TMTC1: variants seen among roughly 807,000 people sequenced by gnomAD.
The protein encoded by TMTC1 is transmembrane O-mannosyltransferase targeting cadherins 1.
In TMTC1, 73 loss-of-function variants were observed where a neutral mutation model predicts 104.8. The observed-to-expected ratio is 0.70, with a 90% CI of 0.58 to 0.85. TMTC1 has a LOEUF of 0.85. Among genes scored for constraint, TMTC1 ranks in the 40% least tolerant of loss-of-function variants. The pLI is 0.00. For missense variants in TMTC1, 1,035 were observed against 1,096.1 expected (o/e 0.94, Z 0.79); for synonymous variants, 434 against 428.7 (o/e 1.01, Z -0.15).
At chr12:29,708,979 C>G (rs1006989258) in intron 5 of TMTC1, among the ~76,000 whole-genome samples, 1 of 152,052 alleles carries the variant, frequency 6.6e-6, no homozygotes, top group Non-Finnish European at 1.5e-5. Flanking sequence ...AAGAGAATAT[C>G]CTTTCAGACT....
intron 10 of TMTC1, among the ~76,000 whole-genome samples, chr12:29,547,408 G>A (rs1023465115): frequency 1.3e-5 from 2 of 152,126 alleles, no homozygotes; most frequent in African/African-American, 4.8e-5. Flanking sequence ...GTTGCAGTAG[G>A]GGAGAGGGAC....
rs112597342 is a variant in TMTC1, at chr12:29,646,263, G to A, written c.939-12927C>T. Among the ~76,000 whole-genome samples the A allele has an allele frequency of 6.6e-3, 1,012 of 152,218 alleles. 13 individuals are homozygous for A. Among genetic ancestry groups the A allele is most frequent in the African/African-American group, 0.024 (978 of 41,522 alleles). Reference sequence around the variant, plus strand: ...AAATCCATATATAATCTCCTCTAACGACACATCAAACTGATTGCACTGCTG... The same window carrying A: ...AAATCCATATATAATCTCCTCTAACAACACATCAAACTGATTGCACTGCTG... On this transcript the variant is annotated intron_variant, in intron 5 of 17. Coordinates refer to ENST00000539277, the MANE Select transcript of TMTC1 (RefSeq NM_001193451.2).
intron 5 of TMTC1, among the ~76,000 whole-genome samples, chr12:29,661,577 TTTTTA>T (rs879683186): frequency 0.42 from 63,035 of 149,122 alleles, 13,986 homozygotes; most frequent in African/African-American, 0.53. Context: ...ACTTTTTGTA[TTTTTA>T]GTATTTTTGT....
At chr12:29,583,077 G>T (rs889835112) in intron 8 of TMTC1, among the ~76,000 whole-genome samples, 1 of 152,146 alleles carries the variant, frequency 6.6e-6, no homozygotes, top group Non-Finnish European at 1.5e-5. Flanking sequence ...CTTTTCACAT[G>T]CACTTCTTGG....
intron 5 of TMTC1, among the ~76,000 whole-genome samples, chr12:29,748,708 A>G (rs557294297): frequency 6.6e-6 from 1 of 152,318 alleles, no homozygotes; most frequent in South Asian, 2.1e-4. Flanking sequence ...TGGATAATAG[A>G]AAGTTTTCTT....
chr12:29,600,735 G>A (rs2136389953), intron 7 of TMTC1, among the ~76,000 whole-genome samples: 1 of 152,290 alleles, frequency 6.6e-6, no homozygotes, highest in Admixed American at 6.5e-5. Context: ...TAAGGGTCAG[G>A]AAAGCACCTC....
At chr12:29,673,097 T>C (rs1271246745) in intron 5 of TMTC1, among the ~76,000 whole-genome samples, 1 of 152,226 alleles carries the variant, frequency 6.6e-6, no homozygotes, top group Non-Finnish European at 1.5e-5. Flanking sequence ...ATAAAAATCT[T>C]ACTTTGAGAA....
At chr12:29,599,696 G>T (rs1468249591) in intron 7 of TMTC1, among the ~76,000 whole-genome samples, 1 of 152,156 alleles carries the variant, frequency 6.6e-6, no homozygotes, top group Non-Finnish European at 1.5e-5. Flanking sequence ...AGCAACTAAA[G>T]CTAGGATTTG....
intron 9 of TMTC1, among the ~76,000 whole-genome samples, chr12:29,569,320 G>GT (rs1945603293): frequency 1.3e-5 from 2 of 152,148 alleles, no homozygotes. Flanking sequence ...AAAGAGACTG[G>GT]TATAGGTACA....
At chr12:29,722,299 CT>C (rs1357451816) in intron 5 of TMTC1, among the ~76,000 whole-genome samples, 1 of 152,234 alleles carries the variant, frequency 6.6e-6, no homozygotes, top group East Asian at 1.9e-4. Context: ...CGGTGGTGAT[CT>C]GTTGAGTTTT....
intron 9 of TMTC1, among the ~76,000 whole-genome samples, chr12:29,570,879 A>ACCCCCCC (rs1491187527): frequency 8.3e-6 from 1 of 120,400 alleles, no homozygotes; most frequent in Non-Finnish European, 1.7e-5. Context: ...AAAAACAGAA[A>ACCCCCCC]CACCCCCCCC....
chr12:29,605,454 T>A (rs4931205), intron 6 of TMTC1, among the ~76,000 whole-genome samples: 1 of 151,034 alleles, frequency 6.6e-6, no homozygotes, highest in Non-Finnish European at 1.5e-5. Context: ...AAATAATTAA[T>A]GGATCTATAA....
chr12:29,500,819 A>G (rs1943570225), downstream of TMTC1: 1 of 152,662 alleles, frequency 6.6e-6, no homozygotes, highest in Non-Finnish European at 1.5e-5. Context: ...GAAGTACTTG[A>G]GAGATTGAAA....
At chr12:29,583,940 C>T (rs2162032) in intron 7 of TMTC1, among the ~76,000 whole-genome samples, 2 of 152,120 alleles carry the variant, frequency 1.3e-5, no homozygotes, top group African/African-American at 4.8e-5. Context: ...CATTGTATGA[C>T]TCTATTGGCA....
intron 5 of TMTC1, among the ~76,000 whole-genome samples, chr12:29,681,099 C>CAAAAAAA (rs71045827): frequency 1.9e-5 from 2 of 107,224 alleles, no homozygotes; most frequent in Non-Finnish European, 3.7e-5. Flanking sequence ...ACCCTGTCTC[C>CAAAAAAA]AAAAAAAAAA....
At chr12:29,566,115 G>T (rs1370720549) in intron 9 of TMTC1, among the ~76,000 whole-genome samples, 1 of 152,110 alleles carries the variant, frequency 6.6e-6, no homozygotes. Flanking sequence ...GGTCTTCAGT[G>T]GGGTGGCCCA....
intron 5 of TMTC1, among the ~76,000 whole-genome samples, chr12:29,636,735 T>C (rs1034374909): frequency 4.5e-4 from 68 of 151,918 alleles, no homozygotes; most frequent in African/African-American, 1.5e-3. Flanking sequence ...GGGGAATCTC[T>C]TGAACCTGGG....
intron 9 of TMTC1, among the ~76,000 whole-genome samples, chr12:29,557,889 C>T (rs769583959): frequency 3.7e-4 from 56 of 152,294 alleles, no homozygotes; most frequent in Non-Finnish European, 5.6e-4. Flanking sequence ...CATTTCCCCC[C>T]TCCTACTGCA....
intron 5 of TMTC1, among the ~76,000 whole-genome samples, chr12:29,669,127 A>C (rs960478179): frequency 2.6e-5 from 4 of 152,094 alleles, no homozygotes; most frequent in African/African-American, 9.6e-5. Context: ...TGACAAATGT[A>C]GCTGACACCT....
Sources: allele counts gnomAD v4.1 joint callset (sites outside exome capture counted in the v4.1 genomes callset), GRCh38; gene constraint gnomAD v4.1.1; transcripts MANE v1.5; gene names NCBI Gene and HGNC (gene_info 2026-07-23, HGNC 2026-07-21).